SGCZ: variants seen among roughly 807,000 people sequenced by gnomAD.
SGCZ encodes the protein zeta-sarcoglycan.
In SGCZ, 40 loss-of-function variants were observed where a neutral mutation model predicts 41.3. The observed-to-expected ratio is 0.97, with a 90% confidence interval of 0.75 to 1.26. The LOEUF (loss-of-function observed/expected upper bound fraction) is 1.26. SGCZ is among the 50% of genes most tolerant of loss of function. The probability of loss-of-function intolerance (pLI) is 0.00; values close to 1 mark genes in which losing one functional copy is unlikely to be tolerated. For synonymous variants in SGCZ, 206 were observed against 137.5 expected, an observed-to-expected ratio of 1.50 and a Z score of -3.49; for missense variants, 552 against 369.8, an observed-to-expected ratio of 1.49 and a Z score of -4.04.
chr8:14,726,341 T>TATATATAA (rs1426005706), intron 1 of SGCZ, among the ~76,000 whole-genome samples: 27 of 144,520 alleles, frequency 1.9e-4, no homozygotes, highest in Middle Eastern at 3.7e-3. Context: ...TATATATATA[T>TATATATAA]AAAATTAGAT....
At chr8:14,305,621 A>C (rs1467279464) in intron 3 of SGCZ, among the ~76,000 whole-genome samples, 1 of 152,212 alleles carries the variant, frequency 6.6e-6, no homozygotes, top group African/African-American at 2.4e-5. Context: ...TTATTACTAA[A>C]CTACAAAATA....
At chr8:14,707,854 G>A (rs528318292) in intron 1 of SGCZ, among the ~76,000 whole-genome samples, 1 of 152,152 alleles carries the variant, frequency 6.6e-6, no homozygotes, top group Non-Finnish European at 1.5e-5. Flanking sequence ...ACTTCAGTTT[G>A]ATTAACTCGA....
intron 1 of SGCZ, among the ~76,000 whole-genome samples, chr8:14,779,813 C>A (rs1014923882): frequency 1.3e-5 from 2 of 152,104 alleles, no homozygotes; most frequent in South Asian, 4.1e-4. Context: ...CTGATGCTTG[C>A]TTTGAGCCAT....
intron 1 of SGCZ, among the ~76,000 whole-genome samples, chr8:14,990,535 G>C (rs1404862405): frequency 6.6e-6 from 1 of 151,912 alleles, no homozygotes; most frequent in Non-Finnish European, 1.5e-5. Flanking sequence ...AAGGGATCTA[G>C]GTTGCATGCT....
At chr8:14,869,879 G>A (rs1234503970) in intron 1 of SGCZ, among the ~76,000 whole-genome samples, 1 of 152,166 alleles carries the variant, frequency 6.6e-6, no homozygotes, top group Non-Finnish European at 1.5e-5. Flanking sequence ...CAAGGAATGT[G>A]AAGGACCTCT....
chr8:15,021,287 A>G (rs149187910), intron 1 of SGCZ, among the ~76,000 whole-genome samples: 49 of 152,336 alleles, frequency 3.2e-4, no homozygotes, highest in Non-Finnish European at 5.3e-4. Context: ...TCTGACTAAT[A>G]TGGTGAATTC....
Position 14,702,577 on chromosome 8 carries a change from A to T in SGCZ, c.40-147651T>A, listed in dbSNP as rs945676802. On this transcript the variant is annotated intron_variant, in intron 1 of 7. Coordinates refer to ENST00000382080, the MANE Select transcript of SGCZ (RefSeq NM_139167.4). Reference sequence around the variant, plus strand: ...TTTATGTCTGGAAACAAAATTATTGACCCAATCCCCCACAACCAACCCTCC... The same window carrying T: ...TTTATGTCTGGAAACAAAATTATTGTCCCAATCCCCCACAACCAACCCTCC... Among the ~76,000 whole-genome samples, 4 of 151,876 alleles carry T rather than the reference A, an allele frequency of 2.6e-5. No homozygotes were observed. In the East Asian group the frequency reaches 7.8e-4, roughly 30 times the overall value.
chr8:14,654,631 GCGTGATCT>G lies in SGCZ; in HGVS notation c.40-99713_40-99706del, dbSNP rs758741308. ...CTGTCGCCCAGGCTGGAATGCAATGGCGTGATCTCGGCTCACTGAAACTACTGCTTCCC... is the reference window on the plus strand; with the variant it reads ...CTGTCGCCCAGGCTGGAATGCAATGGCGGCTCACTGAAACTACTGCTTCCC... On this transcript the variant is annotated intron_variant, in intron 1 of 7. Coordinates refer to ENST00000382080, the MANE Select transcript of SGCZ (RefSeq NM_139167.4). Among the ~76,000 whole-genome samples the G allele has an allele frequency of 3.0e-4, 45 of 152,126 alleles. 1 individual carries two copies. The highest frequency in any genetic ancestry group is 4.9e-4 in the Non-Finnish European group (33 of 68,020).
intron 5 of SGCZ, among the ~76,000 whole-genome samples, chr8:14,145,712 A>G (rs1435744444): frequency 6.6e-6 from 1 of 152,224 alleles, no homozygotes; most frequent in Non-Finnish European, 1.5e-5. Flanking sequence ...TAACACAGAT[A>G]AGGAATTCAG....
intron 1 of SGCZ, among the ~76,000 whole-genome samples, chr8:14,685,301 A>G (rs1055284206): frequency 1.3e-5 from 2 of 152,136 alleles, no homozygotes; most frequent in Non-Finnish European, 2.9e-5. Context: ...ATTTCCAATT[A>G]CAGAGTAAAA....
chr8:14,961,099 T>G (rs186932915), intron 1 of SGCZ, among the ~76,000 whole-genome samples: 89 of 152,302 alleles, frequency 5.8e-4, no homozygotes, highest in African/African-American at 1.9e-3. Flanking sequence ...TGTGAATCAA[T>G]GCATCAGTGG....
intron 1 of SGCZ, among the ~76,000 whole-genome samples, chr8:14,985,098 A>G (rs1801788134): frequency 6.6e-6 from 1 of 152,196 alleles, no homozygotes; most frequent in Non-Finnish European, 1.5e-5. Flanking sequence ...GTCAAATACG[A>G]AAGAATGACA....
At chr8:14,321,169 T>G (rs1220707442) in intron 3 of SGCZ, among the ~76,000 whole-genome samples, 1 of 152,122 alleles carries the variant, frequency 6.6e-6, no homozygotes, top group African/African-American at 2.4e-5. Flanking sequence ...TATTATATAT[T>G]TAACTTCACA....
intron 2 of SGCZ, among the ~76,000 whole-genome samples, chr8:14,371,275 A>T (rs539537409): frequency 3.9e-5 from 6 of 152,126 alleles, no homozygotes; most frequent in Non-Finnish European, 8.8e-5. Flanking sequence ...CTCCTGAATA[A>T]GATATCAGAA....
chr8:14,489,867 C>CAATTTTTTTTT, intron 2 of SGCZ, among the ~76,000 whole-genome samples: 2 of 137,686 alleles, frequency 1.5e-5, no homozygotes, highest in Admixed American at 7.6e-5. Flanking sequence ...ATTCTCCTAC[C>CAATTTTTTTTT]TTTTTTTTTT....
intron 1 of SGCZ, among the ~76,000 whole-genome samples, chr8:15,168,459 G>T (rs920154930): frequency 3.3e-5 from 5 of 152,146 alleles, no homozygotes; most frequent in Non-Finnish European, 5.9e-5. Flanking sequence ...CTATTCTCTA[G>T]CTCCCCCCAC....
At chr8:14,216,506 A>T (rs1805998502) in intron 4 of SGCZ, among the ~76,000 whole-genome samples, 1 of 152,204 alleles carries the variant, frequency 6.6e-6, no homozygotes. Flanking sequence ...ACTTAGATGC[A>T]AAAAGTTTTC....
intron 3 of SGCZ, among the ~76,000 whole-genome samples, chr8:14,259,368 G>C (rs1799573215): frequency 1.3e-5 from 2 of 151,840 alleles, no homozygotes; most frequent in Middle Eastern, 3.4e-3. Context: ...TGGTGTTTTA[G>C]ACATGAAGTC....
intron 1 of SGCZ, among the ~76,000 whole-genome samples, chr8:14,651,456 C>T (rs999786135): frequency 3.3e-5 from 5 of 151,902 alleles, no homozygotes; most frequent in African/African-American, 1.2e-4. Context: ...TCAAAACTTC[C>T]CCAAACAATA....
Sources: gnomAD v4.1 joint callset for allele counts (sites outside exome capture counted in the v4.1 genomes callset) on GRCh38, gnomAD v4.1.1 for gene constraint, MANE v1.5 for transcripts, NCBI Gene and HGNC (gene_info 2026-07-23, HGNC 2026-07-21) for gene names.